TRAPPC6B: variants seen among roughly 807,000 people sequenced by gnomAD.
TRAPPC6B encodes trafficking protein particle complex subunit 6B.
Under a neutral mutation model 24.7 loss-of-function variants are expected in TRAPPC6B, and 27 were observed. That is an observed-to-expected ratio of 1.09 (90% CI 0.81 to 1.51). The LOEUF (loss-of-function observed/expected upper bound fraction) is 1.51. Ranked by LOEUF, TRAPPC6B falls within the 40% of genes most tolerant of loss-of-function variation. The pLI, the probability that TRAPPC6B is intolerant of heterozygous loss-of-function variation, is 0.00. For synonymous variants in TRAPPC6B, 80 were observed against 66.6 expected (o/e 1.20, Z -0.98); for missense variants, 212 against 190.8 (o/e 1.11, Z -0.66).
intron 4 of TRAPPC6B, among the ~76,000 whole-genome samples, chr14:39,152,690 C>A (rs997443739): frequency 2.6e-5 from 4 of 152,080 alleles, no homozygotes; most frequent in Non-Finnish European, 5.9e-5. Flanking sequence ...GAATTTGTGA[C>A]CCCTATGAAA....
chr14:39,162,214 G>A (rs1002322869), intron 1 of TRAPPC6B, among the ~76,000 whole-genome samples: 1 of 152,202 alleles, frequency 6.6e-6, no homozygotes, highest in African/African-American at 2.4e-5. Context: ...AGGCTGCAGT[G>A]CACTGGCGAG....
rs1481487308 is a variant in TRAPPC6B at position 39,170,085 on chromosome 14, T to G, written c.11A>C (p.Glu4Ala). ...GTTATGGAGAAGCAAAAACAACGCC[T>G]CATCCGCCATTTCCTGCTAATTCTT... MAD[E>A]ALFLLLHNEM... Residue 4 changes from glutamate (E) to alanine (A), a missense_variant, in exon 1 of 6, where the codon GAG becomes GCG. Transcript: ENST00000330149. The G allele has an allele frequency of 6.2e-7, 1 of 1,614,010 alleles. No individual in the cohort carries two copies. Among genetic ancestry groups the G allele is most frequent in the Non-Finnish European group, 8.5e-7 (1 of 1,180,002 alleles).
intron 1 of TRAPPC6B, among the ~76,000 whole-genome samples, chr14:39,161,343 A>C (rs981138553): frequency 1.3e-5 from 2 of 152,206 alleles, no homozygotes; most frequent in South Asian, 4.1e-4. Flanking sequence ...GCTACCTAAC[A>C]AGTCATTAAC....
chr14:39,166,141 T>C (rs921744324), intron 1 of TRAPPC6B, among the ~76,000 whole-genome samples: 3 of 151,776 alleles, frequency 2.0e-5, no homozygotes, highest in Non-Finnish European at 1.5e-5. Flanking sequence ...TGTTTCACTA[T>C]GTTGCCCAGG....
chr14:39,154,888 G>A (rs1254192195), intron 3 of TRAPPC6B, among the ~76,000 whole-genome samples: 1 of 152,154 alleles, frequency 6.6e-6, no homozygotes, highest in African/African-American at 2.4e-5. Flanking sequence ...TAGTACGATG[G>A]AATCATTAAT....
intron 4 of TRAPPC6B, among the ~76,000 whole-genome samples, chr14:39,153,270 A>G (rs2052936138): frequency 6.6e-6 from 1 of 150,828 alleles, no homozygotes; most frequent in African/African-American, 2.4e-5. Flanking sequence ...AAAAAAAAAG[A>G]GAGAAAATAT....
At chr14:39,152,138 A>G (rs2052923147) in intron 4 of TRAPPC6B, among the ~76,000 whole-genome samples, 1 of 152,226 alleles carries the variant, frequency 6.6e-6, no homozygotes, top group African/African-American at 2.4e-5. Context: ...TTCTGGAGGC[A>G]GTAAAGGTAG....
chr14:39,162,534 G>T (rs186661328), intron 1 of TRAPPC6B, among the ~76,000 whole-genome samples: 1 of 151,998 alleles, frequency 6.6e-6, no homozygotes, highest in East Asian at 1.9e-4. Context: ...ATTACTCCTC[G>T]TCTCCCTTTT....
chr14:39,159,452 G>A (rs1403915432), intron 2 of TRAPPC6B, 31 bp downstream of exon 2: 7 of 1,530,976 alleles, frequency 4.6e-6, no homozygotes, highest in Non-Finnish European at 6.2e-6. Flanking sequence ...TAACCTACCT[G>A]CAAGAAAATT....
chr14:39,154,241 T>C lies in TRAPPC6B; in HGVS notation c.321A>G (p.Ala107=). The C allele has an allele frequency of 6.2e-7, 1 of 1,613,152 alleles. No individual in the cohort carries two copies. Among genetic ancestry groups the C allele is most frequent in the Non-Finnish European group, 8.5e-7 (1 of 1,179,374 alleles). Residue 107 remains alanine, a synonymous_variant, in exon 4 of 6, where the codon GCA becomes GCG. Transcript: ENST00000330149. ...ATGCATGTTCTAAATACTGTTTTCC[T>C]GCAGACATCTGAGTAAGCAGGCGAA... is the stretch of plus-strand genomic sequence containing the variant. The part of the protein sequence containing the change: ...NKFRLLTQMS[A]GKQYLEHASK...
chr14:39,169,172 C>A (rs922637111), intron 1 of TRAPPC6B, among the ~76,000 whole-genome samples: 5 of 152,196 alleles, frequency 3.3e-5, no homozygotes, highest in African/African-American at 1.2e-4. Context: ...TGGAGTATTT[C>A]TAAAATCCGT....
At chr14:39,153,628 C>G (rs2052940816) in intron 4 of TRAPPC6B, among the ~76,000 whole-genome samples, 1 of 139,328 alleles carries the variant, frequency 7.2e-6, no homozygotes, top group Admixed American at 7.3e-5. Context: ...AAGACCTTGT[C>G]TTAAAAAAAA....
chr14:39,162,883 C>T (rs1176752084), intron 1 of TRAPPC6B, among the ~76,000 whole-genome samples: 1 of 151,330 alleles, frequency 6.6e-6, no homozygotes, highest in African/African-American at 2.5e-5. Context: ...TCTGCAGATG[C>T]ACTCTGCCCC....
At chr14:39,169,967 A>G (rs755672056) in intron 1 of TRAPPC6B, 48 bp downstream of exon 1, 10 of 1,587,116 alleles carry the variant, frequency 6.3e-6, no homozygotes, top group Admixed American at 3.3e-5. Flanking sequence ...GAGGGGAAAC[A>G]AGGTGTGTCA....
In TRAPPC6B at chr14:39,161,675, C is replaced by T. The variant is rs549739725; in HGVS notation, c.82-2125G>A. ...TGGGCATGAGAGCCAACTCTCTTAC[C>T]GTAGATGGCACACAAATTAGCATCT... On this transcript the variant is annotated intron_variant, in intron 1 of 5. Transcript: ENST00000330149. Among the ~76,000 whole-genome samples, 6 of 152,230 alleles carry T rather than the reference C, an allele frequency of 3.9e-5. No homozygotes were observed. The South Asian group carries it at 1.2e-3, about 32-fold the overall frequency.
intron 3 of TRAPPC6B, among the ~76,000 whole-genome samples, chr14:39,156,994 C>G (rs1349774773): frequency 6.6e-6 from 1 of 151,914 alleles, no homozygotes; most frequent in African/African-American, 2.4e-5. Context: ...CCTGTAGTCC[C>G]AGCTACCTGG....
intron 5 of TRAPPC6B, 134 bp downstream of exon 5, chr14:39,151,611 AC>A: frequency 3.2e-6 from 2 of 630,884 alleles, no homozygotes; most frequent in South Asian, 4.6e-5. Context: ...ACATATTACT[AC>A]ACTAAAGTGT....
intron 1 of TRAPPC6B, among the ~76,000 whole-genome samples, chr14:39,166,932 A>G (rs1454536141): frequency 2.0e-5 from 3 of 152,156 alleles, no homozygotes; most frequent in Non-Finnish European, 4.4e-5. Flanking sequence ...TTGAGCAATA[A>G]TAAAACTCTG....
chr14:39,165,490 A>G (rs900371952), intron 1 of TRAPPC6B, among the ~76,000 whole-genome samples: 9 of 151,854 alleles, frequency 5.9e-5, no homozygotes, highest in African/African-American at 2.2e-4. Context: ...TATTCTCCAC[A>G]CTTCTCAAAC....
Sources: gnomAD v4.1 joint callset for allele counts (sites outside exome capture counted in the v4.1 genomes callset) on GRCh38, gnomAD v4.1.1 for gene constraint, MANE v1.5 for transcripts, NCBI Gene and HGNC (gene_info 2026-07-23, HGNC 2026-07-21) for gene names.